CHEK1: variants seen among roughly 807,000 people sequenced by gnomAD.
CHEK1 encodes the protein serine/threonine-protein kinase Chk1.
In CHEK1, 32 loss-of-function variants were observed where a neutral mutation model predicts 60.2. The observed-to-expected ratio is 0.53, with a 90% CI of 0.40 to 0.71. The LOEUF (loss-of-function observed/expected upper bound fraction) is 0.71, where lower values mean the gene tolerates loss of function less well. Ranked by LOEUF, CHEK1 falls within the 30% of genes least tolerant of loss-of-function variation. The pLI is 0.00. For synonymous variants in CHEK1, 179 were observed against 187.2 expected (o/e 0.96, Z 0.36); for missense variants, 399 against 564.6 (o/e 0.71, Z 2.97).
intron 1 of CHEK1, chr11:125,626,348 G>A: frequency 2.3e-6 from 1 of 435,192 alleles, no homozygotes; most frequent in African/African-American, 1.9e-5. Flanking sequence ...TGAGCAATTG[G>A]GAGGAGGCGC....
At chr11:125,626,874 T>G in intron 2 of CHEK1, 41 bp downstream of exon 2, 1 of 1,598,162 alleles carries the variant, frequency 6.3e-7, no homozygotes, top group Non-Finnish European at 8.6e-7. Context: ...TGAGTGCATA[T>G]TCATTGTTTT....
chr11:125,625,231 G>C lies in CHEK1; in HGVS notation c.-802G>C, dbSNP rs921636413. 1.7e-5 allele frequency: 4 copies of C among 229,170 alleles called. No homozygotes were observed. The highest frequency in any genetic ancestry group is 8.9e-5 in the African/African-American group (4 of 45,038). The allele number at this position is 229,170 out of a possible 1,614,324, so 14.2% of individuals were successfully genotyped here. A position where few individuals can be genotyped will look rare whatever the true frequency, so the allele number is the denominator to read the frequency against. ...GTTTGTAGAACTAAGCTAAGCAGAT[G>C]GTCTTCCTGCAAAAAGACCGGGCTG... On this transcript the variant is annotated 5_prime_UTR_variant, in exon 1 of 13. It removes an upstream start codon present in the reference 5' UTR. Coordinates refer to ENST00000438015, the MANE Select transcript of CHEK1 (RefSeq NM_001114122.3).
chr11:125,673,219 T>G (rs1216782792), intron 13 of CHEK1, among the ~76,000 whole-genome samples: 1 of 151,382 alleles, frequency 6.6e-6, no homozygotes, highest in Non-Finnish European at 1.5e-5. Flanking sequence ...TTTCTTTTTT[T>G]TTTTTGAGAC....
At chr11:125,676,796 AATGT>A (rs1237521487), downstream of CHEK1, among the ~76,000 whole-genome samples, 3 of 152,090 alleles carry the variant, frequency 2.0e-5, no homozygotes, top group African/African-American at 7.2e-5. Context: ...ATAGGAGCAA[AATGT>A]ATGTGTGATT....
rs371758874 is a variant in CHEK1, at chr11:125,634,893, C to T, written c.614-536C>T. 2.3e-3 allele frequency among the ~76,000 whole-genome samples: 355 copies of T among 151,968 alleles called. 2 individuals carry two copies. Among genetic ancestry groups the T allele is most frequent in the South Asian group, 0.01 (48 of 4,798 alleles). ...AGTTATTAAATATCACAACACTTAT[C>T]TCTCCTGTGTATCATGTAAACATTT... is the stretch of plus-strand genomic sequence containing the variant. On this transcript the variant is annotated intron_variant, in intron 6 of 12. Transcript: ENST00000438015.
At chr11:125,662,411 T>C (rs1423248515) in intron 13 of CHEK1, among the ~76,000 whole-genome samples, 4 of 152,206 alleles carry the variant, frequency 2.6e-5, no homozygotes, top group African/African-American at 7.2e-5. Flanking sequence ...TACTATCACA[T>C]TGGGAATTGG....
Position 125,625,847 on chromosome 11 carries a change from G to A in CHEK1, c.-186G>A, listed in dbSNP as rs762765107. 21 of 702,634 alleles carry A rather than the reference G, an allele frequency of 3.0e-5. No individual in the cohort carries two copies. The highest frequency in any genetic ancestry group is 5.2e-5 in the African/African-American group (3 of 57,408). 43.5% of individuals were successfully genotyped at this position (702,634 alleles called of 1,614,324 possible). A position where few individuals can be genotyped will look rare whatever the true frequency, so the allele number is the denominator to read the frequency against. On this transcript the variant is annotated 5_prime_UTR_variant, in exon 1 of 13. Transcript: ENST00000438015. The stretch of plus-strand genomic sequence containing the variant: ...TGGGCGGGAGCGGCAACATCTCCAC[G>A]TCACCCTTTTGGAGCCGCCGACATT...
At chr11:125,658,022 A>C (rs1056039743), downstream of CHEK1, among the ~76,000 whole-genome samples, 3 of 152,178 alleles carry the variant, frequency 2.0e-5, no homozygotes, top group Admixed American at 1.3e-4. Context: ...CCAAATTTTC[A>C]CCTACAGTTG....
At chr11:125,626,197 C>T (rs1286249747) in intron 1 of CHEK1, 185 bp downstream of exon 1, 5 of 589,658 alleles carry the variant, frequency 8.5e-6, no homozygotes, top group East Asian at 8.4e-5. Flanking sequence ...GTTGTGGGGG[C>T]GGGGGCAGGA....
intron 13 of CHEK1, chr11:125,671,865 T>G (rs1440566838): frequency 6.6e-6 from 1 of 152,220 alleles, no homozygotes; most frequent in Non-Finnish European, 1.5e-5. Flanking sequence ...TTGAAGAACA[T>G]AACACTTATA....
intron 13 of CHEK1, among the ~76,000 whole-genome samples, chr11:125,664,386 A>T (rs1456422449): frequency 6.6e-6 from 1 of 152,052 alleles, no homozygotes; most frequent in South Asian, 2.1e-4. Flanking sequence ...GGCACCCGCC[A>T]CTACGCCTGG....
intron 8 of CHEK1, among the ~76,000 whole-genome samples, chr11:125,640,664 A>G (rs552486296): frequency 1.3e-5 from 2 of 152,092 alleles, no homozygotes; most frequent in African/African-American, 2.4e-5. Flanking sequence ...CTACCTCCTG[A>G]GCTTAAATGA....
At chr11:125,647,681 T>A (rs780353916) in intron 11 of CHEK1, among the ~76,000 whole-genome samples, 1 of 152,200 alleles carries the variant, frequency 6.6e-6, no homozygotes, top group Non-Finnish European at 1.5e-5. Flanking sequence ...TTGTTTGGAT[T>A]TTGGAATATT....
Position 125,655,063 on chromosome 11 carries a change from C to G in CHEK1, c.1336-162C>G, listed in dbSNP as rs139873169. Among the ~76,000 whole-genome samples the G allele has an allele frequency of 2.7e-3, 410 of 152,248 alleles. 1 individual carries two copies. The highest frequency in any genetic ancestry group is 8.9e-3 in the African/African-American group (370 of 41,528). On this transcript the variant is annotated intron_variant, in intron 12 of 12. Coordinates refer to ENST00000438015, the MANE Select transcript of CHEK1 (RefSeq NM_001114122.3). Reference sequence around the variant, plus strand: ...ATTATTTGTGTAACAATTTTCTCTTCCAGGATATTTGGTCTTCATAAACAG... The same window carrying G: ...ATTATTTGTGTAACAATTTTCTCTTGCAGGATATTTGGTCTTCATAAACAG...
intron 11 of CHEK1, among the ~76,000 whole-genome samples, chr11:125,649,213 T>C (rs1413062630): frequency 1.3e-5 from 2 of 152,154 alleles, no homozygotes; most frequent in Non-Finnish European, 2.9e-5. Context: ...TCTCACTATG[T>C]TGCCTAGGCT....
At chr11:125,629,543 G>A in intron 5 of CHEK1, 83 bp downstream of exon 5, 1 of 976,536 alleles carries the variant, frequency 1.0e-6, no homozygotes, top group African/African-American at 1.7e-5. Context: ...TTTTAATATA[G>A]CCATACAAGG....
intron 11 of CHEK1, among the ~76,000 whole-genome samples, chr11:125,648,209 C>T (rs1941569775): frequency 6.6e-6 from 1 of 151,240 alleles, no homozygotes; most frequent in Non-Finnish European, 1.5e-5. Flanking sequence ...GTATATTGAT[C>T]TTGTATCCTG....
chr11:125,676,473 T>C, downstream of CHEK1: 1 of 1,614,186 alleles, frequency 6.2e-7, no homozygotes, highest in South Asian at 1.1e-5. Context: ...CAATTTAATA[T>C]TGTGCCTGAA....
chr11:125,671,365 G>C (rs1942199193), intron 13 of CHEK1, among the ~76,000 whole-genome samples: 1 of 152,070 alleles, frequency 6.6e-6, no homozygotes, highest in African/African-American at 2.4e-5. Context: ...TTTAGTTCCT[G>C]CTTTGGGGAT....
Sources: gnomAD v4.1 joint callset for allele counts (sites outside exome capture counted in the v4.1 genomes callset) on GRCh38, gnomAD v4.1.1 for gene constraint, MANE v1.5 for transcripts, NCBI Gene and HGNC (gene_info 2026-07-23, HGNC 2026-07-21) for gene names.